ADCY8: variants seen among roughly 807,000 people sequenced by gnomAD.
ADCY8 encodes the protein adenylate cyclase type 8.
In ADCY8, 51 loss-of-function variants were observed where a neutral mutation model predicts 119.7. The observed-to-expected ratio is 0.43, with a 90% CI of 0.34 to 0.54. The LOEUF is 0.54. Ranked by LOEUF, ADCY8 falls within the 20% of genes least tolerant of loss-of-function variation. ADCY8 has a pLI of 0.03. For synonymous variants in ADCY8, 665 were observed against 651.0 expected (o/e 1.02, Z -0.33); for missense variants, 1,383 against 1,598.8 (o/e 0.87, Z 2.30).
chr8:130,863,714 A>C (rs1211748069), intron 9 of ADCY8, among the ~76,000 whole-genome samples: 2 of 152,090 alleles, frequency 1.3e-5, no homozygotes, highest in African/African-American at 4.8e-5. Flanking sequence ...ATACCACTTC[A>C]TGTATAATGC....
chr8:130,840,178 G>T (rs1478559021), intron 11 of ADCY8, among the ~76,000 whole-genome samples: 1 of 138,764 alleles, frequency 7.2e-6, no homozygotes, highest in African/African-American at 2.5e-5. Flanking sequence ...CAAGCTTTAG[G>T]TATAGAAGGG....
intron 1 of ADCY8, among the ~76,000 whole-genome samples, chr8:131,003,449 A>T (rs951835596): frequency 6.6e-6 from 1 of 152,232 alleles, no homozygotes; most frequent in Non-Finnish European, 1.5e-5. Flanking sequence ...AGAAGTGGAC[A>T]AAACAAGTAG....
chr8:130,785,267 G>T, intron 16 of ADCY8, 116 bp downstream of exon 16: 1 of 652,954 alleles, frequency 1.5e-6, no homozygotes, highest in Non-Finnish European at 2.5e-6. Context: ...CAGTCCATTA[G>T]ATTTTCTCCC....
intron 1 of ADCY8, among the ~76,000 whole-genome samples, chr8:131,027,589 A>G (rs1823860684): frequency 6.6e-6 from 1 of 152,192 alleles, no homozygotes; most frequent in Non-Finnish European, 1.5e-5. Flanking sequence ...AGACTAAACC[A>G]TCAGAATTTC....
chr8:130,813,940 A>G lies in ADCY8; in HGVS notation c.2913+129T>C, dbSNP rs1773050282. ...GGCCATGTGTAAATTTCATAGTGTTAGGAGTTTCTCCATTCTCATGCACTC... is the reference window on the plus strand; with the variant it reads ...GGCCATGTGTAAATTTCATAGTGTTGGGAGTTTCTCCATTCTCATGCACTC... On this transcript the variant is annotated intron_variant, in intron 14 of 17. Transcript: ENST00000286355. The G allele has an allele frequency of 2.6e-6, 3 of 1,156,534 alleles. No homozygotes were observed. In the South Asian group the frequency reaches 4.6e-5, roughly 18 times the overall value. The allele number at this position is 1,156,534 out of a possible 1,614,324, so 71.6% of individuals were successfully genotyped here. A position where few individuals can be genotyped will look rare whatever the true frequency, so the allele number is the denominator to read the frequency against.
chr8:130,992,705 A>G (rs1422615571), intron 1 of ADCY8, among the ~76,000 whole-genome samples: 3 of 151,982 alleles, frequency 2.0e-5, no homozygotes, highest in African/African-American at 4.8e-5. Context: ...GTGAGCCACC[A>G]CGGACAGCCA....
At chr8:130,835,117 C>G (rs369006872) in intron 12 of ADCY8, among the ~76,000 whole-genome samples, 4 of 152,154 alleles carry the variant, frequency 2.6e-5, no homozygotes, top group African/African-American at 7.2e-5. Flanking sequence ...TTTCCTTTGA[C>G]TGTTGGCCAC....
At chr8:130,809,728 G>C (rs150421101) in intron 14 of ADCY8, among the ~76,000 whole-genome samples, 1 of 152,184 alleles carries the variant, frequency 6.6e-6, no homozygotes, top group Admixed American at 6.5e-5. Context: ...GGCTTAATAC[G>C]TTGGGATTTT....
intron 1 of ADCY8, among the ~76,000 whole-genome samples, chr8:130,997,694 C>T (rs1035846882): frequency 6.6e-6 from 1 of 152,172 alleles, no homozygotes; most frequent in African/African-American, 2.4e-5. Context: ...AATGCCTGAA[C>T]TGTTCAATTA....
chr8:130,816,003 A>T (rs1035157505), intron 13 of ADCY8, among the ~76,000 whole-genome samples: 6 of 152,208 alleles, frequency 3.9e-5, no homozygotes, highest in Non-Finnish European at 5.9e-5. Context: ...TCATTATTTC[A>T]GTCTTTAACT....
intron 1 of ADCY8, among the ~76,000 whole-genome samples, chr8:131,022,470 G>A (rs756282492): frequency 2.0e-5 from 3 of 152,140 alleles, no homozygotes; most frequent in South Asian, 2.1e-4. Context: ...TTTTATGGTT[G>A]TATAGTATTC....
intron 1 of ADCY8, among the ~76,000 whole-genome samples, chr8:130,994,708 T>C (rs879933051): frequency 7.2e-5 from 11 of 152,246 alleles, no homozygotes; most frequent in East Asian, 1.9e-4. Context: ...TTTTATATCA[T>C]TGGAATCACA....
At chr8:130,919,497 G>A (rs1442482915) in intron 5 of ADCY8, among the ~76,000 whole-genome samples, 1 of 152,182 alleles carries the variant, frequency 6.6e-6, no homozygotes, top group Non-Finnish European at 1.5e-5. Flanking sequence ...CAGAGCTTGA[G>A]GGTTGGGTGG....
intron 15 of ADCY8, among the ~76,000 whole-genome samples, chr8:130,788,041 C>A (rs553222154): frequency 6.6e-6 from 1 of 152,312 alleles, no homozygotes; most frequent in Non-Finnish European, 1.5e-5. Flanking sequence ...TGGTGTTATG[C>A]ACCAAGAATT....
chr8:130,996,261 T>G (rs941649790), intron 1 of ADCY8, among the ~76,000 whole-genome samples: 7 of 152,156 alleles, frequency 4.6e-5, no homozygotes. Flanking sequence ...TATGCATGAC[T>G]TAAGATGATT....
At chr8:130,924,564 T>C (rs1235110395) in intron 5 of ADCY8, among the ~76,000 whole-genome samples, 1 of 152,172 alleles carries the variant, frequency 6.6e-6, no homozygotes, top group Non-Finnish European at 1.5e-5. Context: ...GTAAACCCTA[T>C]GTCTTATTTG....
chr8:130,957,826 C>T (rs536250440), intron 2 of ADCY8, among the ~76,000 whole-genome samples: 6 of 152,328 alleles, frequency 3.9e-5, no homozygotes, highest in South Asian at 2.1e-4. Flanking sequence ...GTTGAGCCTG[C>T]GATTACATAG....
intron 11 of ADCY8, among the ~76,000 whole-genome samples, chr8:130,844,059 G>A (rs1471932578): frequency 6.6e-6 from 1 of 152,108 alleles, no homozygotes; most frequent in East Asian, 1.9e-4. Flanking sequence ...TGGAAAAATG[G>A]GCTCTTCAGG....
At chr8:130,800,207 G>A (rs190557855) in intron 15 of ADCY8, among the ~76,000 whole-genome samples, 117 of 152,132 alleles carry the variant, frequency 7.7e-4, no homozygotes, top group African/African-American at 2.7e-3. Flanking sequence ...TAGCCTCCCT[G>A]AGCCTTATAT....
Sources: allele counts gnomAD v4.1 joint callset (sites outside exome capture counted in the v4.1 genomes callset), GRCh38; gene constraint gnomAD v4.1.1; transcripts MANE v1.5; gene names NCBI Gene and HGNC (gene_info 2026-07-23, HGNC 2026-07-21).